The following PHF3 variants were observed in gnomAD, a reference collection of about 807,000 sequenced individuals.
PHF3 encodes the protein PHD finger protein 3.
PHF3 carries 41 observed loss-of-function variants against 178.4 expected under a neutral mutation model. The observed-to-expected ratio is 0.23, with a 90% CI of 0.18 to 0.30. PHF3 has a LOEUF of 0.30. PHF3 is among the 10% of genes least tolerant of loss of function. The probability of loss-of-function intolerance (pLI) is 1.00; values close to 1 mark genes in which losing one functional copy is unlikely to be tolerated. For synonymous variants in PHF3, 842 were observed against 800.5 expected, an observed-to-expected ratio of 1.05 and a Z score of -0.88; for missense variants, 2,346 against 2,398.1, an observed-to-expected ratio of 0.98 and a Z score of 0.45.
chr6:63,655,244 GT>G (rs1315233915), intron 2 of PHF3, among the ~76,000 whole-genome samples: 1 of 151,762 alleles, frequency 6.6e-6, no homozygotes, highest in Non-Finnish European at 1.5e-5. Flanking sequence ...CCTGGCTAAT[GT>G]TTTGTATTTT....
rs1210083841 is a variant in PHF3 at position 63,724,492 on chromosome 6, A to G, written c.*10784A>G. Among the ~76,000 whole-genome samples, 1 of 152,170 alleles carries G rather than the reference A, an allele frequency of 6.6e-6. No homozygotes were observed. Among genetic ancestry groups the G allele is most frequent in the Non-Finnish European group, 1.5e-5 (1 of 68,026 alleles). The stretch of plus-strand genomic sequence containing the variant: ...TTGCAATGACTAGGCCTTTTTATAC[A>G]CGTTGGGAGGATTATAACTATATCA... On this transcript the variant is annotated 3_prime_UTR_variant, in exon 16 of 16. Transcript: ENST00000262043.
At position 63,711,819 on chromosome 6, in the gene PHF3, A is replaced by G. The variant is rs1329632360; in HGVS notation, c.4231A>G (p.Asn1411Asp). ...TACAACTGTATTACACAAGCAGAGA[A>G]ATAAACCTCAGCAGAATCTTCAGGA... ...SFTTVLHKQR[N>D]KPQQNLQEDL... Residue 1411 changes from asparagine (N) to aspartate (D), a missense_variant, in exon 16 of 16, where the codon AAT becomes GAT. Asn to Asp is a conservative substitution (Grantham distance 23). Around this residue, in one of 8 missense-constraint regions of PHF3, gnomAD observed 839 missense variants for 806.9 expected, o/e 1.04. Coordinates refer to ENST00000262043, the MANE Select transcript of PHF3 (RefSeq NM_001370348.2). The G allele has an allele frequency of 1.2e-6, 2 of 1,613,888 alleles. No individual in the cohort carries two copies. Among genetic ancestry groups the G allele is most frequent in the Non-Finnish European group, 1.7e-6 (2 of 1,179,898 alleles).
At chr6:63,658,831 C>T (rs1430716402) in intron 2 of PHF3, among the ~76,000 whole-genome samples, 1 of 151,598 alleles carries the variant, frequency 6.6e-6, no homozygotes, top group East Asian at 1.9e-4. Context: ...TGGAGACTGG[C>T]TGGCAAGCCC....
Position 63,679,989 on chromosome 6 carries a change from T to C in PHF3, c.245-11T>C, listed in dbSNP as rs754436055. On this transcript the variant is annotated splice_polypyrimidine_tract_variant and intron_variant, in intron 2 of 15. Coordinates refer to ENST00000262043, the MANE Select transcript of PHF3 (RefSeq NM_001370348.2). Reference sequence around the variant, plus strand: ...TTTTTAAAAGTTAATTTTTTTGTCGTTTTTTTCTAGTTGTTGGTCTTGACG... The same window carrying C: ...TTTTTAAAAGTTAATTTTTTTGTCGCTTTTTTCTAGTTGTTGGTCTTGACG... The C allele has an allele frequency of 1.9e-6, 3 of 1,605,064 alleles. No individual in the cohort carries two copies. Among genetic ancestry groups the C allele is most frequent in the Admixed American group, 1.7e-5 (1 of 58,838 alleles).
Position 63,724,436 on chromosome 6 carries a change from T to A in PHF3, c.*10728T>A, listed in dbSNP as rs142661794. On this transcript the variant is annotated 3_prime_UTR_variant, in exon 16 of 16. Coordinates refer to ENST00000262043, the MANE Select transcript of PHF3 (RefSeq NM_001370348.2). ...ACTTATTTATATATTTTTAATATAGTTTAATTATTTGAGTATGTTTTAACT... is the reference window on the plus strand; with the variant it reads ...ACTTATTTATATATTTTTAATATAGATTAATTATTTGAGTATGTTTTAACT... Among the ~76,000 whole-genome samples, 971 of 152,266 alleles carry A rather than the reference T, an allele frequency of 6.4e-3. 9 individuals are homozygous for A. Among genetic ancestry groups the A allele is most frequent in the African/African-American group, 0.022 (908 of 41,576 alleles).
chr6:63,643,128 T>G lies in PHF3; in HGVS notation c.-25-3399T>G, dbSNP rs965213090. The stretch of plus-strand genomic sequence containing the variant: ...TCTGATTTTACCGGTTTTTTTTTGC[T>G]ACTGTCCCTTTTCTGTTCCATGATC... On this transcript the variant is annotated intron_variant, in intron 1 of 15. Coordinates refer to ENST00000262043, the MANE Select transcript of PHF3 (RefSeq NM_001370348.2). 3.3e-5 allele frequency among the ~76,000 whole-genome samples: 5 copies of G among 152,264 alleles called. 1 individual carries two copies. The highest frequency in any genetic ancestry group is 2.0e-4 in the Admixed American group (3 of 15,280).
chr6:63,676,804 G>C (rs778633071), intron 2 of PHF3, among the ~76,000 whole-genome samples: 7 of 152,212 alleles, frequency 4.6e-5, no homozygotes, highest in Admixed American at 1.3e-4. Flanking sequence ...AGAATAAACT[G>C]TCAGGGGAGA....
intron 4 of PHF3, among the ~76,000 whole-genome samples, chr6:63,690,869 G>T (rs1766967733): frequency 6.6e-6 from 1 of 152,130 alleles, no homozygotes; most frequent in Non-Finnish European, 1.5e-5. Context: ...AAACTGGAAA[G>T]ATAGAAGCTT....
intron 2 of PHF3, among the ~76,000 whole-genome samples, chr6:63,652,132 A>G (rs1386587092): frequency 6.6e-6 from 1 of 152,130 alleles, no homozygotes. Context: ...TTCCATAATG[A>G]CAGTACTGAT....
At chr6:63,650,518 C>T (rs977621018) in intron 2 of PHF3, among the ~76,000 whole-genome samples, 1 of 151,968 alleles carries the variant, frequency 6.6e-6, no homozygotes, top group Non-Finnish European at 1.5e-5. Flanking sequence ...CAGTGTTGTT[C>T]GATAGAATTT....
chr6:63,668,724 T>A (rs942869738), intron 2 of PHF3, among the ~76,000 whole-genome samples: 40 of 151,580 alleles, frequency 2.6e-4, no homozygotes, highest in African/African-American at 4.8e-4. Flanking sequence ...GATGCTCAAA[T>A]TTTTTTTTAA....
chr6:63,664,957 C>T (rs1765619868), intron 2 of PHF3, among the ~76,000 whole-genome samples: 1 of 151,884 alleles, frequency 6.6e-6, no homozygotes, highest in South Asian at 2.1e-4. Context: ...ACATTTCTGC[C>T]ATCTTTCAGT....
chr6:63,667,390 T>A (rs1765725503), intron 2 of PHF3, among the ~76,000 whole-genome samples: 1 of 152,204 alleles, frequency 6.6e-6, no homozygotes, highest in Admixed American at 6.5e-5. Context: ...AAGTACAGTA[T>A]ACTCACATTT....
intron 2 of PHF3, among the ~76,000 whole-genome samples, chr6:63,666,656 T>C (rs1347822287): frequency 6.6e-6 from 1 of 151,960 alleles, no homozygotes; most frequent in Non-Finnish European, 1.5e-5. Flanking sequence ...TAATACAATG[T>C]AAGTGCTGTG....
intron 6 of PHF3, among the ~76,000 whole-genome samples, chr6:63,697,831 T>G (rs758240322): frequency 2.0e-5 from 3 of 152,172 alleles, no homozygotes; most frequent in African/African-American, 4.8e-5. Context: ...TGGGAATTAG[T>G]AATGATAGAA....
chr6:63,703,864 G>A (rs1767583141), intron 11 of PHF3, among the ~76,000 whole-genome samples, 193 bp downstream of exon 11: 1 of 152,152 alleles, frequency 6.6e-6, no homozygotes, highest in Non-Finnish European at 1.5e-5. Flanking sequence ...ATAGTCTACT[G>A]TCTAGACCTA....
rs1409801782 is a variant in PHF3, at chr6:63,720,643, CTAATT to C, written c.*6941_*6945del. The C allele has an allele frequency of 5.0e-5, 76 of 1,525,914 alleles. No individual in the cohort carries two copies. The highest frequency in any genetic ancestry group is 6.4e-5 in the Non-Finnish European group (73 of 1,134,924). The allele number at this position is 1,525,914 out of a possible 1,614,324, so 94.5% of individuals were successfully genotyped here. A position where few individuals can be genotyped will look rare whatever the true frequency, so the allele number is the denominator to read the frequency against. On this transcript the variant is annotated 3_prime_UTR_variant, in exon 16 of 16. Coordinates refer to ENST00000262043, the MANE Select transcript of PHF3 (RefSeq NM_001370348.2). ...TCTCCATCATAAACATTGTATCCTT[CTAATT>C]TAATTAGTTCAATGTTTTTTGGTTC...
intron 2 of PHF3, among the ~76,000 whole-genome samples, chr6:63,656,530 C>G (rs1765241614): frequency 6.6e-6 from 1 of 152,036 alleles, no homozygotes; most frequent in African/African-American, 2.4e-5. Flanking sequence ...ACTTCTTTTT[C>G]CAAGATTTTG....
At chr6:63,639,873 T>C (rs1764500191) in intron 1 of PHF3, among the ~76,000 whole-genome samples, 1 of 152,198 alleles carries the variant, frequency 6.6e-6, no homozygotes, top group Non-Finnish European at 1.5e-5. Context: ...GGTGGTTTAT[T>C]CAAATTCCTA....
Sources: allele counts gnomAD v4.1 joint callset (sites outside exome capture counted in the v4.1 genomes callset), GRCh38; gene constraint gnomAD v4.1.1; regional missense constraint gnomAD v4.1.1; transcripts MANE v1.5; gene names NCBI Gene and HGNC (gene_info 2026-07-23, HGNC 2026-07-21).